Variants in ABCC1 observed in about 807,000 individuals in gnomAD.
ABCC1 encodes ATP binding cassette subfamily C member 1 (ABCC1 blood group).
A neutral mutation model predicts 172.9 loss-of-function variants in ABCC1; 83 were observed. The observed-to-expected ratio is 0.48, with a 90% CI of 0.40 to 0.58. The LOEUF (loss-of-function observed/expected upper bound fraction) is 0.58. Among genes scored for constraint, ABCC1 ranks in the 20% least tolerant of loss-of-function variants. The probability of loss-of-function intolerance (pLI) is 0.00; values close to 1 mark genes in which losing one functional copy is unlikely to be tolerated. For missense variants in ABCC1, 1,817 were observed against 2,002.7 expected (o/e 0.91, Z 1.77); for synonymous variants, 937 against 825.2 (o/e 1.14, Z -2.32).
intron 1 of ABCC1, among the ~76,000 whole-genome samples, chr16:15,962,492 C>A (rs1406310693): frequency 1.3e-5 from 2 of 152,090 alleles, no homozygotes; most frequent in African/African-American, 4.8e-5. Flanking sequence ...TTTGTTCATG[C>A]TGCTATGAAA....
rs2051192640 is a variant in ABCC1 at position 16,090,299 on chromosome 16, C to T, written c.2461-106C>T. The T allele has an allele frequency of 6.4e-6, 8 of 1,255,586 alleles. No homozygotes were observed. The South Asian group carries it at 9.8e-5, about 15-fold the overall frequency. The allele number at this position is 1,255,586 out of a possible 1,614,324, so 77.8% of individuals were successfully genotyped here. ...GTCCCACCTTCAGACCTGAGTTTTGCCCACCAGGTGTTCGTCGGCTCATTC... is the reference window on the plus strand; with the variant it reads ...GTCCCACCTTCAGACCTGAGTTTTGTCCACCAGGTGTTCGTCGGCTCATTC... On this transcript the variant is annotated intron_variant, in intron 18 of 30. Transcript: ENST00000399410.
At chr16:16,084,507 G>A (rs1217176019) in intron 17 of ABCC1, among the ~76,000 whole-genome samples, 1 of 146,028 alleles carries the variant, frequency 6.8e-6, no homozygotes, top group Non-Finnish European at 1.5e-5. Flanking sequence ...GGGACTACAG[G>A]CCCCTGCCAC....
chr16:16,101,696 G>C (rs2051757420), intron 19 of ABCC1, among the ~76,000 whole-genome samples: 1 of 152,124 alleles, frequency 6.6e-6, no homozygotes, highest in Non-Finnish European at 1.5e-5. Flanking sequence ...GTGCGGAGTG[G>C]GGGCAGTAGT....
In ABCC1 at chr16:16,138,463, G is replaced by A. The variant is rs201391377; in HGVS notation, c.4392G>A (p.Thr1464=). ...DEATAAVDLE[T]DDLIQSTIRT... ...CCACGGCAGCCGTGGACCTGGAAAC[G>A]GACGACCTCATCCAGTCCACCATCC... Residue 1464 remains threonine, a synonymous_variant, in exon 30 of 31, where the codon ACG becomes ACA. Transcript: ENST00000399410. 3.3e-5 allele frequency: 54 copies of A among 1,613,286 alleles called. No individual in the cohort carries two copies. The highest frequency in any genetic ancestry group is 6.7e-5 in the East Asian group (3 of 44,860).
intron 5 of ABCC1, among the ~76,000 whole-genome samples, chr16:16,029,999 G>C (rs1324552449): frequency 6.6e-6 from 1 of 152,116 alleles, no homozygotes; most frequent in Non-Finnish European, 1.5e-5. Context: ...TTATGGAAAA[G>C]AGTTTCCCCT....
chr16:16,050,390 C>T (rs981138036), intron 10 of ABCC1, among the ~76,000 whole-genome samples: 26 of 151,316 alleles, frequency 1.7e-4, no homozygotes, highest in Non-Finnish European at 3.5e-4. Context: ...ATCCGGGAGG[C>T]GGAGGTTGTA....
At chr16:16,058,596 G>A (rs1665793556) in intron 12 of ABCC1, among the ~76,000 whole-genome samples, 1 of 152,136 alleles carries the variant, frequency 6.6e-6, no homozygotes, top group African/African-American at 2.4e-5. Context: ...AGGAGAGATG[G>A]TGTTCAAATT....
At chr16:16,110,384 C>T (rs2152082978) in intron 21 of ABCC1, among the ~76,000 whole-genome samples, 1 of 151,976 alleles carries the variant, frequency 6.6e-6, no homozygotes. Flanking sequence ...CGATGCCCAG[C>T]ACTCTTTATT....
intron 19 of ABCC1, among the ~76,000 whole-genome samples, chr16:16,098,635 A>T (rs1423401863): frequency 6.6e-6 from 1 of 151,760 alleles, no homozygotes; most frequent in Non-Finnish European, 1.5e-5. Context: ...ACAAACAAAA[A>T]CCCAACACAG....
chr16:15,963,852 G>A (rs1421864699), intron 1 of ABCC1, among the ~76,000 whole-genome samples: 2 of 152,232 alleles, frequency 1.3e-5, no homozygotes, highest in Admixed American at 6.5e-5. Flanking sequence ...TTGGAATTGG[G>A]CTCCTTGTTA....
At chr16:16,074,467 G>C (rs144728985) in intron 14 of ABCC1, among the ~76,000 whole-genome samples, 2 of 152,152 alleles carry the variant, frequency 1.3e-5, no homozygotes, top group South Asian at 2.1e-4. Context: ...GGCGGTGGGT[G>C]GGGGGTGGTT....
rs560836548 is a variant in ABCC1 at position 15,960,601 on chromosome 16, C to T, written c.48+10802C>T. Among the ~76,000 whole-genome samples, 121 of 152,114 alleles carry T rather than the reference C, an allele frequency of 8.0e-4. 1 individual carries two copies. In the Middle Eastern group the frequency reaches 0.017, roughly 21 times the overall value. On this transcript the variant is annotated intron_variant, in intron 1 of 30. Coordinates refer to ENST00000399410, the MANE Select transcript of ABCC1 (RefSeq NM_004996.4). Reference sequence around the variant, plus strand: ...TGGCAAGTGCTGCAAAGACTTGAACCGGGAAAAACTGGGTGAGGTGCAAAC... The same window carrying T: ...TGGCAAGTGCTGCAAAGACTTGAACTGGGAAAAACTGGGTGAGGTGCAAAC...
At chr16:16,057,885 C>G (rs1422564269) in intron 12 of ABCC1, among the ~76,000 whole-genome samples, 1 of 152,114 alleles carries the variant, frequency 6.6e-6, no homozygotes, top group Non-Finnish European at 1.5e-5. Context: ...AAGCAATCCT[C>G]CTGCTTTAGT....
intron 7 of ABCC1, among the ~76,000 whole-genome samples, chr16:16,039,739 A>G (rs2048900240): frequency 6.6e-6 from 1 of 152,088 alleles, no homozygotes. Context: ...CCAGCTGACC[A>G]TGTATGATTG....
intron 8 of ABCC1, among the ~76,000 whole-genome samples, chr16:16,045,615 A>G (rs2049173667): frequency 6.6e-6 from 1 of 152,064 alleles, no homozygotes; most frequent in Non-Finnish European, 1.5e-5. Context: ...TAGCTAGAGC[A>G]ATTAGTGCAC....
At chr16:16,116,711 C>T (rs887576283) in intron 23 of ABCC1, among the ~76,000 whole-genome samples, 2 of 151,950 alleles carry the variant, frequency 1.3e-5, no homozygotes, top group South Asian at 2.1e-4. Flanking sequence ...TACAGGCATG[C>T]GCCACACCCA....
chr16:16,068,294 A>G lies in ABCC1; in HGVS notation c.1816A>G (p.Ile606Val). 2 of 1,614,046 alleles carry G rather than the reference A, an allele frequency of 1.2e-6. No homozygotes were observed. The highest frequency in any genetic ancestry group is 2.2e-5 in the South Asian group (2 of 91,068). ...CATTCTCCCCATGGTCATCAGCAGC[A>G]TCGTGCAGGTACAGGGGGAAGCTGG... is the stretch of plus-strand genomic sequence containing the variant. ...LNILPMVISSIVQASVSLKRL... is the reference protein window; with the variant it reads ...LNILPMVISSVVQASVSLKRL... The change falls in exon 13 of 31, where the codon ATC becomes GTC. Residue 606 changes from isoleucine to valine, a missense_variant. By Grantham distance (29) the Ile-to-Val change is conservative. This residue lies in a region of ABCC1 where 1,412 missense variants were observed against 1,600.3 expected (regional missense o/e 0.88). Transcript: ENST00000399410.
At chr16:15,959,470 T>C (rs909819164) in intron 1 of ABCC1, among the ~76,000 whole-genome samples, 1 of 152,026 alleles carries the variant, frequency 6.6e-6, no homozygotes. Flanking sequence ...GGACCAGAGG[T>C]GCACACCACC....
chr16:15,973,236 T>C (rs1335535153), intron 1 of ABCC1, among the ~76,000 whole-genome samples: 1 of 152,186 alleles, frequency 6.6e-6, no homozygotes, highest in African/African-American at 2.4e-5. Flanking sequence ...AAAGTAAATA[T>C]AGCACTACTA....
Sources: allele counts gnomAD v4.1 joint callset (sites outside exome capture counted in the v4.1 genomes callset), GRCh38; gene constraint gnomAD v4.1.1; regional missense constraint gnomAD v4.1.1; transcripts MANE v1.5; gene names NCBI Gene and HGNC (gene_info 2026-07-23, HGNC 2026-07-21).